Variants in PCDH15 observed in about 807,000 individuals in gnomAD.
PCDH15 encodes the protein protocadherin related 15, also known as protocadherin-15.
In PCDH15, 129 loss-of-function variants were observed where a neutral mutation model predicts 178.5. The ratio of observed to expected loss-of-function variants is 0.72; its 90% CI spans 0.63 to 0.84. The LOEUF is 0.84. PCDH15 is among the 40% of genes least tolerant of loss of function. PCDH15 has a pLI of 0.00. For missense variants in PCDH15, 2,230 were observed against 2,099.9 expected (o/e 1.06, Z -1.21); for synonymous variants, 800 against 732.0 (o/e 1.09, Z -1.50).
At chr10:55,372,486 G>T (rs552618122) in intron 2 of PCDH15, among the ~76,000 whole-genome samples, 2 of 152,106 alleles carry the variant, frequency 1.3e-5, no homozygotes, top group Non-Finnish European at 2.9e-5. Flanking sequence ...AACCCAGTTA[G>T]GTCAGTAATA....
chr10:54,553,555 G>A lies in PCDH15; in HGVS notation c.92-25678C>T, dbSNP rs185478184. ...CATTTTTGTGAGTCTCTAAGAGGAG[G>A]TTTATACAAAAATGGCCAGACATGG... On this transcript the variant is annotated intron_variant, in intron 2 of 37. Coordinates refer to ENST00000644397, the MANE Select transcript of PCDH15 (RefSeq NM_001384140.1). Among the ~76,000 whole-genome samples the A allele has an allele frequency of 2.2e-3, 331 of 152,228 alleles. 1 individual carries two copies. The highest frequency in any genetic ancestry group is 3.4e-3 in the Middle Eastern group (1 of 294).
chr10:54,362,718 T>A (rs1164091674), intron 5 of PCDH15, among the ~76,000 whole-genome samples: 2 of 152,024 alleles, frequency 1.3e-5, no homozygotes, highest in Non-Finnish European at 2.9e-5. Flanking sequence ...ATATTAATGT[T>A]GCTTAATCAA....
intron 2 of PCDH15, among the ~76,000 whole-genome samples, chr10:55,087,023 A>C: frequency 6.6e-6 from 1 of 152,116 alleles, no homozygotes; most frequent in East Asian, 1.9e-4. Flanking sequence ...TTATAAAATC[A>C]AAGTTTTACA....
rs1554832797 is a variant in PCDH15 at position 53,855,920 on chromosome 10, A to ATGTGTGTG, written c.3806+1254_3806+1255insCACACACA. Among the ~76,000 whole-genome samples the ATGTGTGTG allele has an allele frequency of 7.1e-5, 10 of 140,414 alleles. 1 individual carries two copies. In the South Asian group the frequency reaches 2.4e-3, roughly 34 times the overall value. 92.1% of individuals were successfully genotyped at this position (140,414 alleles called of 152,430 possible). On this transcript the variant is annotated intron_variant, in intron 28 of 37. Coordinates refer to ENST00000644397, the MANE Select transcript of PCDH15 (RefSeq NM_001384140.1). The stretch of plus-strand genomic sequence containing the variant: ...AGGTGATATGTATATATATATATAT[A>ATGTGTGTG]TGTATGTGTGTGTGTGTAATGAAAT...
At chr10:54,189,247 C>T in intron 11 of PCDH15, 2 of 705,846 alleles carry the variant, frequency 2.8e-6, no homozygotes, top group South Asian at 1.9e-5. Context: ...TTGTAGATAT[C>T]CTTATAAGGG....
At chr10:55,547,910 T>TGTGAGAGAGAGAGAGAGAGAGAGAGAGA (rs541144266) in intron 2 of PCDH15, among the ~76,000 whole-genome samples, 7 of 54,530 alleles carry the variant, frequency 1.3e-4, no homozygotes, top group South Asian at 9.7e-4. Context: ...TGTGTGTGTG[T>TGTGAGAGAGAGAGAGAGAGAGAGAGAGA]GAGAGAGAGA....
chr10:54,116,296 T>G (rs1461452601), intron 15 of PCDH15, among the ~76,000 whole-genome samples: 1 of 148,086 alleles, frequency 6.8e-6, no homozygotes, highest in Non-Finnish European at 1.5e-5. Flanking sequence ...CTGGTTACAA[T>G]GGAGTCAACA....
chr10:53,991,971 A>C (rs886808521), intron 21 of PCDH15, among the ~76,000 whole-genome samples: 1 of 151,882 alleles, frequency 6.6e-6, no homozygotes, highest in Non-Finnish European at 1.5e-5. Flanking sequence ...GTCCCCTTCC[A>C]CCCTGTGGAA....
rs548657193 is a variant in PCDH15 at position 55,359,152 on chromosome 10, G to A, written c.-155-192501C>T. Reference sequence around the variant, plus strand: ...ATCTAAGCTGCTGTGAGTTAGGGTGGCACCACTGCACCCCAGCCTGGGTGA... The same window carrying A: ...ATCTAAGCTGCTGTGAGTTAGGGTGACACCACTGCACCCCAGCCTGGGTGA... On this transcript the variant is annotated intron_variant, in intron 2 of 5. Transcript: ENST00000613346. Among the ~76,000 whole-genome samples, 6 of 151,838 alleles carry A rather than the reference G, an allele frequency of 4.0e-5. No homozygotes were observed. In the South Asian group the frequency reaches 1.2e-3, roughly 32 times the overall value.
intron 1 of PCDH15, among the ~76,000 whole-genome samples, chr10:55,316,928 AT>A (rs1005017595): frequency 3.3e-5 from 5 of 152,310 alleles, no homozygotes; most frequent in African/African-American, 1.2e-4. Context: ...CTAGACTCAA[AT>A]TTGAAATCTG....
At position 53,828,790 on chromosome 10, in the gene PCDH15, A is replaced by G. The variant is rs140371687; in HGVS notation, c.4203-217T>C. On this transcript the variant is annotated intron_variant, in intron 30 of 37. Transcript: ENST00000644397. The stretch of plus-strand genomic sequence containing the variant: ...AGTCATTCAAGCCATTAAAATATCC[A>G]TAACAGAAAAATAAAGAAATGAACT... Among the ~76,000 whole-genome samples the G allele has an allele frequency of 6.7e-3, 1,021 of 152,326 alleles. 13 individuals are homozygous for G. Among genetic ancestry groups the G allele is most frequent in the African/African-American group, 0.011 (457 of 41,572 alleles).
chr10:54,188,500 G>A (rs116888679), intron 11 of PCDH15, among the ~76,000 whole-genome samples: 3,366 of 151,688 alleles, frequency 0.022, 47 homozygotes, highest in Middle Eastern at 0.078. Flanking sequence ...TCTGACATTA[G>A]GTAATATTTA....
At chr10:55,363,669 C>T (rs1463692512) in intron 2 of PCDH15, among the ~76,000 whole-genome samples, 1 of 151,962 alleles carries the variant, frequency 6.6e-6, no homozygotes, top group African/African-American at 2.4e-5. Flanking sequence ...GAATTTCGCT[C>T]TTGTTGCACA....
chr10:54,089,566 C>CT (rs941701188), intron 16 of PCDH15, among the ~76,000 whole-genome samples: 4 of 152,098 alleles, frequency 2.6e-5, no homozygotes, highest in African/African-American at 9.7e-5. Context: ...TTTCATTGTG[C>CT]TTTTTTTCTT....
chr10:53,974,191 T>C (rs1181410245), intron 21 of PCDH15, among the ~76,000 whole-genome samples: 2 of 152,046 alleles, frequency 1.3e-5, no homozygotes, highest in African/African-American at 4.8e-5. Context: ...ATTTTTGCAT[T>C]TTTAGAAGAG....
chr10:54,549,508 G>T (rs1015516454), intron 2 of PCDH15, among the ~76,000 whole-genome samples: 5 of 151,788 alleles, frequency 3.3e-5, no homozygotes, highest in Non-Finnish European at 7.4e-5. Flanking sequence ...AGATGTCAGA[G>T]AATGTGGGTA....
intron 1 of PCDH15, among the ~76,000 whole-genome samples, chr10:55,260,869 C>T (rs183617260): frequency 7.8e-4 from 118 of 152,174 alleles, no homozygotes; most frequent in African/African-American, 2.6e-3. Context: ...AATGCCTTTT[C>T]TTTGATCTCG....
intron 21 of PCDH15, among the ~76,000 whole-genome samples, chr10:53,985,575 G>A (rs565103417): frequency 6.6e-6 from 1 of 152,272 alleles, no homozygotes; most frequent in East Asian, 1.9e-4. Context: ...CACAATGGTA[G>A]TGTAGTCAAA....
chr10:54,275,005 A>G (rs1478735581), intron 8 of PCDH15, among the ~76,000 whole-genome samples: 1 of 151,998 alleles, frequency 6.6e-6, no homozygotes, highest in African/African-American at 2.4e-5. Context: ...CCAAGCCATA[A>G]AAGAAAATAA....
Sources: gnomAD v4.1 joint callset for allele counts (sites outside exome capture counted in the v4.1 genomes callset) on GRCh38, gnomAD v4.1.1 for gene constraint, MANE v1.5 for transcripts, NCBI Gene and HGNC (gene_info 2026-07-23, HGNC 2026-07-21) for gene names.